RBFOX1: variants seen among roughly 807,000 people sequenced by gnomAD.
RBFOX1 encodes RNA binding protein fox-1 homolog 1.
Under a neutral mutation model 57.7 loss-of-function variants are expected in RBFOX1, and 8 were observed. That is an observed-to-expected ratio of 0.14 (90% CI 0.08 to 0.25). The LOEUF (loss-of-function observed/expected upper bound fraction) is 0.25, where lower values mean the gene tolerates loss of function less well. Among genes scored for constraint, RBFOX1 ranks in the 10% least tolerant of loss-of-function variants. RBFOX1 has a pLI of 1.00. For missense variants in RBFOX1, 611 were observed against 548.5 expected (o/e 1.11, Z -1.14); for synonymous variants, 326 against 222.4 (o/e 1.47, Z -4.15).
At chr16:7,034,392 A>G (rs2043672693) in intron 3 of RBFOX1, among the ~76,000 whole-genome samples, 1 of 152,088 alleles carries the variant, frequency 6.6e-6, no homozygotes, top group Non-Finnish European at 1.5e-5. Context: ...GTTGGAGATC[A>G]TCAATGCACC....
intron 4 of RBFOX1, among the ~76,000 whole-genome samples, chr16:7,354,006 C>G (rs2097171986): frequency 1.3e-5 from 2 of 152,222 alleles, no homozygotes; most frequent in Admixed American, 6.5e-5. Flanking sequence ...GACTCTTGCT[C>G]TGTCACTCAG....
chr16:6,818,095 T>C (rs760076101), intron 3 of RBFOX1, among the ~76,000 whole-genome samples: 1 of 152,198 alleles, frequency 6.6e-6, no homozygotes, highest in Non-Finnish European at 1.5e-5. Flanking sequence ...ATTGCATTAT[T>C]GTTTCAGATT....
intron 1 of RBFOX1, among the ~76,000 whole-genome samples, chr16:6,125,348 T>C (rs1434216528): frequency 4.6e-5 from 7 of 152,156 alleles, no homozygotes; most frequent in Admixed American, 3.9e-4. Flanking sequence ...TTTTCTCCCC[T>C]GTTGAGATAG....
At chr16:6,413,319 CAAAAAAA>C (rs34475437) in intron 2 of RBFOX1, among the ~76,000 whole-genome samples, 1 of 114,394 alleles carries the variant, frequency 8.7e-6, no homozygotes, top group Non-Finnish European at 1.8e-5. Flanking sequence ...AACTACATCT[CAAAAAAA>C]AAAAAAAAAA....
At chr16:6,658,414 G>C (rs2098676268) in intron 3 of RBFOX1, among the ~76,000 whole-genome samples, 1 of 151,812 alleles carries the variant, frequency 6.6e-6, no homozygotes, top group African/African-American at 2.4e-5. Flanking sequence ...TTACCATGTT[G>C]GCCAGGATGA....
intron 2 of RBFOX1, among the ~76,000 whole-genome samples, chr16:5,481,498 A>C (rs1424715296): frequency 6.6e-6 from 1 of 152,180 alleles, no homozygotes; most frequent in African/African-American, 2.4e-5. Flanking sequence ...TTTTCTTGTT[A>C]CTACTTGTCT....
chr16:5,783,433 AT>A (rs1362631310), intron 3 of RBFOX1, among the ~76,000 whole-genome samples: 4 of 151,940 alleles, frequency 2.6e-5, no homozygotes, highest in East Asian at 3.9e-4. Context: ...GTATATAGAG[AT>A]TTTTTCTTGT....
At chr16:7,424,732 T>C (rs573659771) in intron 4 of RBFOX1, among the ~76,000 whole-genome samples, 4 of 152,218 alleles carry the variant, frequency 2.6e-5, no homozygotes, top group Non-Finnish European at 5.9e-5. Flanking sequence ...TTTGACAGTT[T>C]GGGATCATAG....
intron 4 of RBFOX1, among the ~76,000 whole-genome samples, chr16:7,391,141 G>GT (rs1228448427): frequency 2.6e-5 from 4 of 152,160 alleles, no homozygotes; most frequent in African/African-American, 4.8e-5. Context: ...CCACTGGAAG[G>GT]TTTTAGATAG....
chr16:7,061,970 G>A (rs1472500739), intron 4 of RBFOX1, among the ~76,000 whole-genome samples: 2 of 152,128 alleles, frequency 1.3e-5, no homozygotes, highest in Admixed American at 6.6e-5. Context: ...TGAGTAAGGA[G>A]CAAGAAACTC....
intron 2 of RBFOX1, among the ~76,000 whole-genome samples, chr16:6,562,336 A>G (rs149577901): frequency 1.3e-5 from 2 of 152,370 alleles, no homozygotes; most frequent in East Asian, 1.9e-4. Context: ...CAACACTAGT[A>G]TTCACTTTAT....
chr16:5,401,902 C>G lies in RBFOX1; in HGVS notation c.220-65314C>G, dbSNP rs550639647. On this transcript the variant is annotated intron_variant, in intron 1 of 2. Coordinates refer to the RBFOX1 transcript ENST00000585867. ...TTCTGTCTCTGTCTCTCTTTCTTTTCTCTATTTTTACTGCTGTTGGGAATA... is the reference window on the plus strand; with the variant it reads ...TTCTGTCTCTGTCTCTCTTTCTTTTGTCTATTTTTACTGCTGTTGGGAATA... 2.6e-5 allele frequency among the ~76,000 whole-genome samples: 4 copies of G among 152,100 alleles called. No individual in the cohort carries two copies. In the South Asian group the frequency reaches 8.3e-4, roughly 32 times the overall value.
intron 1 of RBFOX1, among the ~76,000 whole-genome samples, chr16:6,271,070 T>C (rs2075151426): frequency 6.6e-6 from 1 of 152,248 alleles, no homozygotes; most frequent in East Asian, 1.9e-4. Flanking sequence ...TAGCAATAAA[T>C]GAATACATTA....
intron 10 of RBFOX1, among the ~76,000 whole-genome samples, chr16:7,619,191 C>T (rs575776455): frequency 2.0e-5 from 3 of 152,180 alleles, no homozygotes; most frequent in South Asian, 4.2e-4. Flanking sequence ...AACACAAACA[C>T]CCCAATATCA....
chr16:6,521,089 C>G lies in RBFOX1; in HGVS notation c.-63-133514C>G, dbSNP rs547164395. ...TTCCACGCACAGGAATAGCGGCTGA[C>G]GACAATCAGGCAGGTGGGAAGCAGG... is the stretch of plus-strand genomic sequence containing the variant. On this transcript the variant is annotated intron_variant, in intron 2 of 15. Transcript: ENST00000550418. Among the ~76,000 whole-genome samples the G allele has an allele frequency of 6.6e-5, 10 of 152,116 alleles. 1 individual carries two copies. Among genetic ancestry groups the G allele is most frequent in the Middle Eastern group, 6.8e-3 (2 of 294 alleles).
chr16:6,976,970 A>C (rs929753433), intron 3 of RBFOX1, among the ~76,000 whole-genome samples: 1 of 143,486 alleles, frequency 7.0e-6, no homozygotes, highest in Admixed American at 7.1e-5. Context: ...TAAATATCCT[A>C]TATCACATAT....
chr16:6,654,616 A>C lies in RBFOX1; in HGVS notation c.-50A>C. On this transcript the variant is annotated 5_prime_UTR_variant, in exon 3 of 16. Coordinates refer to ENST00000550418, the MANE Select transcript of RBFOX1 (RefSeq NM_018723.4). ...TTCTCTTCTCAGGATATCAAAGCAG[A>C]CTGCAATACCTGCGTGGAAATAGAA... 1.3e-6 allele frequency: 2 copies of C among 1,509,046 alleles called. No individual in the cohort carries two copies. Among genetic ancestry groups the C allele is most frequent in the Non-Finnish European group, 1.8e-6 (2 of 1,137,372 alleles). 93.5% of individuals were successfully genotyped at this position (1,509,046 alleles called of 1,614,324 possible). A position where few individuals can be genotyped will look rare whatever the true frequency, so the allele number is the denominator to read the frequency against.
chr16:5,268,579 A>AT lies in RBFOX1; in HGVS notation c.219+28482dup, dbSNP rs563595668. Among the ~76,000 whole-genome samples, 69 of 152,170 alleles carry AT rather than the reference A, an allele frequency of 4.5e-4. No homozygotes were observed. The East Asian group carries it at 6.2e-3, about 14-fold the overall frequency. On this transcript the variant is annotated intron_variant, in intron 1 of 2. Coordinates refer to the RBFOX1 transcript ENST00000585867. ...TCCTCCACGATTGGAGCAGAGGGTG[A>AT]TTTTTTTTATGAGCAACTGATGAAG...
chr16:7,098,548 C>A (rs949947628), intron 4 of RBFOX1, among the ~76,000 whole-genome samples: 1 of 152,202 alleles, frequency 6.6e-6, no homozygotes, highest in Non-Finnish European at 1.5e-5. Context: ...AAATGTAACA[C>A]ACACACATCA....
Sources: gnomAD v4.1 joint callset for allele counts (sites outside exome capture counted in the v4.1 genomes callset) on GRCh38, gnomAD v4.1.1 for gene constraint, MANE v1.5 for transcripts, NCBI Gene and HGNC (gene_info 2026-07-23, HGNC 2026-07-21) for gene names.